NUMA1: variants seen among roughly 807,000 people sequenced by gnomAD.
NUMA1 encodes SP-H antigen.
Under a neutral mutation model 237.1 loss-of-function variants are expected in NUMA1, and 62 were observed. The ratio of observed to expected loss-of-function variants is 0.26; its 90% CI spans 0.21 to 0.32. The LOEUF is 0.32. Among genes scored for constraint, NUMA1 ranks in the 10% least tolerant of loss-of-function variants. The pLI, the probability that NUMA1 is intolerant of heterozygous loss-of-function variation, is 1.00. For missense variants in NUMA1, 2,533 were observed against 2,666.5 expected (o/e 0.95, Z 1.10); for synonymous variants, 1,028 against 1,066.1 (o/e 0.96, Z 0.70).
At chr11:72,065,440 T>C (rs891869310) in intron 2 of NUMA1, 1 of 152,068 alleles carries the variant, frequency 6.6e-6, no homozygotes, top group Non-Finnish European at 1.5e-5. Flanking sequence ...ATTTATATAA[T>C]GAAAAAATGG....
intron 14 of NUMA1, 59 bp from the exon 15 acceptor site, chr11:72,016,319 C>A: frequency 6.3e-7 from 1 of 1,585,498 alleles, no homozygotes; most frequent in Non-Finnish European, 8.6e-7. Context: ...CAAGACTCCT[C>A]TGGAAATGGA....
intron 3 of NUMA1, among the ~76,000 whole-genome samples, chr11:72,031,695 T>C (rs1940336878): frequency 6.6e-6 from 1 of 152,020 alleles, no homozygotes; most frequent in South Asian, 2.1e-4. Context: ...GCTCGCGTAG[T>C]CCCTGCTACT....
intron 5 of NUMA1, 53 bp from the exon 6 acceptor site, chr11:72,023,200 G>A (rs1169948983): frequency 3.2e-5 from 42 of 1,310,444 alleles, no homozygotes; most frequent in Non-Finnish European, 4.3e-5. Context: ...AACCATACCT[G>A]AGATCCCAGA....
chr11:72,005,528 G>A, intron 22 of NUMA1, 159 bp from the exon 23 acceptor site: 1 of 643,116 alleles, frequency 1.6e-6, no homozygotes, highest in Non-Finnish European at 2.6e-6. Context: ...ACGGCACACA[G>A]ACTATTTCTA....
chr11:72,079,539 CAA>C (rs1167480323), intron 1 of NUMA1, among the ~76,000 whole-genome samples: 9 of 107,840 alleles, frequency 8.3e-5, no homozygotes, highest in Non-Finnish European at 9.8e-5. Context: ...GACTCCGTCT[CAA>C]AAAAAAAAAA....
intron 2 of NUMA1, among the ~76,000 whole-genome samples, chr11:72,044,817 G>C (rs1319690328): frequency 6.6e-6 from 1 of 151,850 alleles, no homozygotes; most frequent in African/African-American, 2.4e-5. Flanking sequence ...ACAGGCACCT[G>C]CCACCATGCC....
rs1565194893 is a variant in NUMA1, at chr11:72,008,865, G to GT, written c.5059-21_5059-20insA. The GT allele has an allele frequency of 1.9e-6, 3 of 1,613,828 alleles. No homozygotes were observed. In the African/African-American group the frequency reaches 4.0e-5, roughly 22 times the overall value. ...GGCAACCTGAGAAGGAGAGGGCCAG[G>GT]GGGAGAGTGAAGAAAAGCCTAAGGC... On this transcript the variant is annotated intron_variant, in intron 19 of 26. Transcript: ENST00000393695.
intron 2 of NUMA1, among the ~76,000 whole-genome samples, chr11:72,047,008 T>TTAC (rs1390887802): frequency 1.3e-5 from 2 of 151,764 alleles, no homozygotes; most frequent in Non-Finnish European, 2.9e-5. Flanking sequence ...ATAAATAAAT[T>TTAC]TCAGTAGAGT....
At chr11:72,059,409 G>A (rs1005984702) in intron 2 of NUMA1, among the ~76,000 whole-genome samples, 1 of 152,040 alleles carries the variant, frequency 6.6e-6, no homozygotes, top group African/African-American at 2.4e-5. Context: ...CCTGGTAGCT[G>A]GGACTAAAGG....
At position 72,003,409 on chromosome 11, in the gene NUMA1, G is replaced by A; in HGVS notation, c.*118C>T. ...TGCGGGCAGGCATCACTGTCTCTAG[G>A]GGTTTGGCTACTGTTGGCCTGGGAG... On this transcript the variant is annotated 3_prime_UTR_variant, in exon 27 of 27. Coordinates refer to ENST00000393695, the MANE Select transcript of NUMA1 (RefSeq NM_006185.4). 1 of 989,260 alleles carries A rather than the reference G, an allele frequency of 1.0e-6. No homozygotes were observed. Among genetic ancestry groups the A allele is most frequent in the Non-Finnish European group, 1.6e-6 (1 of 613,890 alleles). 61.3% of individuals were successfully genotyped at this position (989,260 alleles called of 1,614,324 possible). A position where few individuals can be genotyped will look rare whatever the true frequency, so the allele number is the denominator to read the frequency against.
Position 72,015,014 on chromosome 11 carries a change from AT to A in NUMA1, c.2488del (p.Met830CysfsTer6). 6.2e-7 allele frequency: 1 copy of A among 1,614,082 alleles called. No individual in the cohort carries two copies. Among genetic ancestry groups the A allele is most frequent in the Non-Finnish European group, 8.5e-7 (1 of 1,180,032 alleles). On this transcript the variant is annotated frameshift_variant, in exon 15 of 27. Coordinates refer to ENST00000393695, the MANE Select transcript of NUMA1 (RefSeq NM_006185.4). LOFTEE classifies it high-confidence loss of function. The surrounding 1 kb of genome is among the most constrained non-coding windows in gnomAD (Gnocchi z 4.0). ...CAAAGTCATCAGCTGTTCCTGGAAC[AT>A]GGCGCCATACTGTGCCTCCTCTTGC... ...SQQEEAQYGA[M>X]FQEQLMTLKE...
chr11:72,049,582 T>TATATATATATATATATATAA, intron 2 of NUMA1: 1 of 20,636 alleles, frequency 4.8e-5, no homozygotes, highest in Non-Finnish European at 2.3e-4. Context: ...TATATATATA[T>TATATATATATATATATATAA]AGTGTGTGTG....
intron 7 of NUMA1, 98 bp from the exon 8 acceptor site, chr11:72,021,389 C>T (rs1435805968): frequency 9.4e-7 from 1 of 1,065,456 alleles, no homozygotes; most frequent in Non-Finnish European, 1.4e-6. Context: ...CCCCGGCTCC[C>T]TCATGCCCTA....
chr11:72,059,227 A>C (rs678193), intron 2 of NUMA1, among the ~76,000 whole-genome samples: 134,675 of 152,040 alleles, frequency 0.89, 59,941 homozygotes, highest in Non-Finnish European at 0.95. Context: ...TTTTCATGTA[A>C]AAATTTATTT....
intron 17 of NUMA1, among the ~76,000 whole-genome samples, chr11:72,010,233 G>A (rs1439220511): frequency 6.6e-6 from 1 of 152,198 alleles, no homozygotes; most frequent in African/African-American, 2.4e-5. Context: ...CAATTCCTTT[G>A]CCCCTGACTG....
At chr11:72,075,356 T>A (rs955123991) in intron 1 of NUMA1, among the ~76,000 whole-genome samples, 6 of 152,218 alleles carry the variant, frequency 3.9e-5, no homozygotes, top group African/African-American at 1.4e-4. Flanking sequence ...CTCCTTCTTG[T>A]AGCCTGGTGT....
At chr11:72,060,355 G>A (rs1204114132) in intron 2 of NUMA1, among the ~76,000 whole-genome samples, 1 of 152,206 alleles carries the variant, frequency 6.6e-6, no homozygotes, top group Non-Finnish European at 1.5e-5. Flanking sequence ...ACAATAACTT[G>A]CCTAAGCACA....
At chr11:72,036,748 G>A (rs1941061502) in intron 2 of NUMA1, among the ~76,000 whole-genome samples, 1 of 152,106 alleles carries the variant, frequency 6.6e-6, no homozygotes, top group Non-Finnish European at 1.5e-5. Flanking sequence ...ACCTGTCCTG[G>A]TGTTCTCATC....
At chr11:72,040,573 C>G (rs375088695) in intron 2 of NUMA1, 56 of 153,590 alleles carry the variant, frequency 3.6e-4, no homozygotes, top group African/African-American at 1.3e-3. Context: ...ACAAAATGAA[C>G]CTTTTTTCAC....
Sources: allele counts gnomAD v4.1 joint callset (sites outside exome capture counted in the v4.1 genomes callset), GRCh38; gene constraint gnomAD v4.1.1; non-coding constraint Gnocchi (gnomAD v3.1); transcripts MANE v1.5; gene names NCBI Gene and HGNC (gene_info 2026-07-23, HGNC 2026-07-21).